RALY: variants seen among roughly 807,000 people sequenced by gnomAD.
RALY encodes RNA-binding protein Raly.
A neutral mutation model predicts 30.7 loss-of-function variants in RALY; 15 were observed. That is an observed-to-expected ratio of 0.49 (90% CI 0.33 to 0.75). The LOEUF is 0.75. Ranked by LOEUF, RALY falls within the 30% of genes least tolerant of loss-of-function variation. RALY has a pLI of 0.02. For synonymous variants in RALY, 177 were observed against 170.8 expected, an observed-to-expected ratio of 1.04 and a Z score of -0.28; for missense variants, 339 against 414.3, an observed-to-expected ratio of 0.82 and a Z score of 1.58.
At chr20:34,010,569 A>C (rs1352004353) in intron 1 of RALY, among the ~76,000 whole-genome samples, 1 of 152,102 alleles carries the variant, frequency 6.6e-6, no homozygotes, top group Non-Finnish European at 1.5e-5. Context: ...CCAGAAAGTC[A>C]CCTGCTGGTT....
At chr20:34,066,086 A>G (rs927512348) in intron 2 of RALY, among the ~76,000 whole-genome samples, 3 of 152,066 alleles carry the variant, frequency 2.0e-5, no homozygotes, top group African/African-American at 7.2e-5. Context: ...GTGTCGAGTA[A>G]GAAGCCTTGA....
chr20:34,057,752 G>A (rs2033295045), intron 2 of RALY, among the ~76,000 whole-genome samples: 1 of 151,902 alleles, frequency 6.6e-6, no homozygotes, highest in African/African-American at 2.4e-5. Flanking sequence ...TGACAGTAGA[G>A]GATTATTTAA....
In RALY at chr20:34,061,973, G is replaced by A. The variant is rs1417807296; in HGVS notation, c.-9-10093G>A. Among the ~76,000 whole-genome samples, 8 of 152,234 alleles carry A rather than the reference G, an allele frequency of 5.3e-5. No homozygotes were observed. The South Asian group carries it at 1.7e-3, about 32-fold the overall frequency. On this transcript the variant is annotated intron_variant, in intron 2 of 9. Transcript: ENST00000246194. Reference sequence around the variant, plus strand: ...ACCCTAACTTACTTTGTTACCTTGGGCAAGTCCCTTTCTCTGAGACTTAAT... The same window carrying A: ...ACCCTAACTTACTTTGTTACCTTGGACAAGTCCCTTTCTCTGAGACTTAAT...
chr20:34,051,743 C>T (rs2033086148), intron 2 of RALY, among the ~76,000 whole-genome samples: 1 of 152,112 alleles, frequency 6.6e-6, no homozygotes, highest in African/African-American at 2.4e-5. Context: ...CTACAGGCGC[C>T]TGCCACCACA....
intron 3 of RALY, among the ~76,000 whole-genome samples, chr20:34,072,802 A>C (rs533031206): frequency 6.6e-6 from 1 of 152,260 alleles, no homozygotes; most frequent in East Asian, 1.9e-4. Context: ...ATGCATGTGC[A>C]TTTACTCCTG....
chr20:34,027,736 CTAAT>C (rs2032097388), intron 1 of RALY, among the ~76,000 whole-genome samples: 1 of 152,156 alleles, frequency 6.6e-6, no homozygotes, highest in Admixed American at 6.5e-5. Context: ...TATTTTTTGA[CTAAT>C]TAGATAGAAG....
At chr20:34,076,938 A>C in intron 7 of RALY, 90 bp from the exon 8 acceptor site, 2 of 1,603,218 alleles carry the variant, frequency 1.2e-6, no homozygotes, top group Non-Finnish European at 1.7e-6. Context: ...TGCACTCACC[A>C]TGCTGAGGCC....
chr20:34,063,220 A>G (rs1311724415), intron 2 of RALY, among the ~76,000 whole-genome samples: 1 of 152,208 alleles, frequency 6.6e-6, no homozygotes, highest in African/African-American at 2.4e-5. Context: ...GTACTCCACA[A>G]GTATTGATGA....
At chr20:34,030,375 C>T (rs769504607) in intron 1 of RALY, among the ~76,000 whole-genome samples, 3 of 152,218 alleles carry the variant, frequency 2.0e-5, no homozygotes, top group African/African-American at 4.8e-5. Context: ...AGGTTTACAT[C>T]AGTGCCTGGT....
intron 1 of RALY, among the ~76,000 whole-genome samples, chr20:34,013,526 A>G (rs1394075848): frequency 6.6e-6 from 1 of 152,018 alleles, no homozygotes; most frequent in African/African-American, 2.4e-5. Flanking sequence ...ATTTCCCCTA[A>G]GTAGAAATCC....
intron 1 of RALY, among the ~76,000 whole-genome samples, chr20:34,015,332 C>T (rs543921907): frequency 6.6e-6 from 1 of 151,648 alleles, no homozygotes; most frequent in East Asian, 1.9e-4. Context: ...TCAATATTTC[C>T]CCCTTTTTTT....
In RALY at chr20:34,078,486, C is replaced by A; in HGVS notation, c.877-19C>A. ...TGGCAATGAGTGATGTGTGGTCTCT[C>A]TTACCTCCTCCCTATCAGGAACACA... On this transcript the variant is annotated intron_variant, in intron 8 of 9. Coordinates refer to ENST00000246194, the MANE Select transcript of RALY (RefSeq NM_016732.3). 6.4e-7 allele frequency: 1 copy of A among 1,572,776 alleles called. No homozygotes were observed.
chr20:34,077,851 A>G (rs1315684591), intron 8 of RALY, among the ~76,000 whole-genome samples: 1 of 152,244 alleles, frequency 6.6e-6, no homozygotes, highest in Non-Finnish European at 1.5e-5. Context: ...CTAACTTCAC[A>G]TAACCTTAAC....
chr20:33,994,028 T>C lies in RALY; in HGVS notation c.-196T>C, dbSNP rs899157718. The stretch of plus-strand genomic sequence containing the variant: ...ACGACTCCCGCGCGTGTGCCCAGCC[T>C]CTTCCCGCCGCAGCCGCCCTTTTCC... On this transcript the variant is annotated 5_prime_UTR_variant, in exon 1 of 10. Transcript: ENST00000246194. The C allele has an allele frequency of 6.6e-6, 1 of 152,156 alleles. No individual in the cohort carries two copies. Among genetic ancestry groups the C allele is most frequent in the Admixed American group, 6.5e-5 (1 of 15,282 alleles). 9.4% of individuals were successfully genotyped at this position (152,156 alleles called of 1,614,324 possible).
At chr20:34,060,084 A>T (rs2033371273) in intron 2 of RALY, among the ~76,000 whole-genome samples, 1 of 152,208 alleles carries the variant, frequency 6.6e-6, no homozygotes, top group Admixed American at 6.5e-5. Context: ...ATTTCCAAAT[A>T]CTAGAGTTTT....
intron 5 of RALY, among the ~76,000 whole-genome samples, chr20:34,074,145 T>A (rs2284391): frequency 0.086 from 13,018 of 152,186 alleles, 629 homozygotes; most frequent in African/African-American, 0.13. Flanking sequence ...AGCCAAGAGC[T>A]ATGTAAGTGT....
chr20:34,053,949 T>G (rs2033161095), intron 2 of RALY, among the ~76,000 whole-genome samples: 1 of 152,186 alleles, frequency 6.6e-6, no homozygotes, highest in Non-Finnish European at 1.5e-5. Flanking sequence ...AAGCCCAGAT[T>G]CAGTAGTCTC....
intron 2 of RALY, among the ~76,000 whole-genome samples, chr20:34,036,594 G>C (rs2032505182): frequency 6.6e-6 from 1 of 152,182 alleles, no homozygotes. Flanking sequence ...GAAAGAGTTT[G>C]TAAAGGATTG....
At chr20:34,000,119 C>T (rs1416803856) in intron 1 of RALY, among the ~76,000 whole-genome samples, 7 of 152,162 alleles carry the variant, frequency 4.6e-5, no homozygotes, top group East Asian at 3.9e-4. Context: ...AAATGACAGC[C>T]GTAATGTTAA....
Sources: allele counts gnomAD v4.1 joint callset (sites outside exome capture counted in the v4.1 genomes callset), GRCh38; gene constraint gnomAD v4.1.1; transcripts MANE v1.5; gene names NCBI Gene and HGNC (gene_info 2026-07-23, HGNC 2026-07-21).